The following CTNNA3 variants were observed in gnomAD, a reference collection of about 807,000 sequenced individuals.
The protein encoded by CTNNA3 is catenin alpha-3.
CTNNA3 carries 76 observed loss-of-function variants against 95.7 expected under a neutral mutation model. That is an observed-to-expected ratio of 0.79 (90% CI 0.66 to 0.96). CTNNA3 has a LOEUF of 0.96. Among genes scored for constraint, CTNNA3 ranks in the 40% least tolerant of loss-of-function variants. The probability of loss-of-function intolerance (pLI) is 0.00; values close to 1 mark genes in which losing one functional copy is unlikely to be tolerated. For missense variants in CTNNA3, 1,191 were observed against 1,089.8 expected (o/e 1.09, Z -1.31); for synonymous variants, 431 against 374.4 (o/e 1.15, Z -1.74).
chr10:66,245,474 A>T (rs2090280378), intron 13 of CTNNA3, among the ~76,000 whole-genome samples: 1 of 152,190 alleles, frequency 6.6e-6, no homozygotes, highest in Non-Finnish European at 1.5e-5. Flanking sequence ...GTGGCTCCCA[A>T]GTTCTTGTCC....
At chr10:66,172,926 G>A (rs923121563) in intron 13 of CTNNA3, among the ~76,000 whole-genome samples, 2 of 152,094 alleles carry the variant, frequency 1.3e-5, no homozygotes, top group African/African-American at 2.4e-5. Context: ...GGGTGATGCC[G>A]AGATAGATAC....
chr10:66,127,271 CAAAAAAAAA>C (rs35884096), intron 13 of CTNNA3, among the ~76,000 whole-genome samples: 1 of 74,156 alleles, frequency 1.3e-5, no homozygotes, highest in Non-Finnish European at 2.6e-5. Context: ...GACTCTGTCT[CAAAAAAAAA>C]AAAAAAAAAA....
At chr10:67,209,047 G>A (rs567642666) in intron 6 of CTNNA3, among the ~76,000 whole-genome samples, 2 of 107,940 alleles carry the variant, frequency 1.9e-5, no homozygotes, top group East Asian at 2.6e-4. Flanking sequence ...GTTATTTTTT[G>A]TTGTTGTTGT....
intron 10 of CTNNA3, among the ~76,000 whole-genome samples, chr10:66,540,037 CT>C (rs1163896392): frequency 6.6e-6 from 1 of 152,020 alleles, no homozygotes; most frequent in African/African-American, 2.4e-5. Context: ...AGCTGACCTT[CT>C]TTTGTTTGTT....
intron 11 of CTNNA3, among the ~76,000 whole-genome samples, chr10:66,450,465 C>CA (rs5785758): frequency 0.02 from 3,082 of 152,094 alleles, 42 homozygotes; most frequent in Non-Finnish European, 0.028. Context: ...CACCATACAG[C>CA]AAAACACTAA....
Position 66,541,625 on chromosome 10 carries a change from T to C in CTNNA3, c.1375-20852A>G, listed in dbSNP as rs117508765. On this transcript the variant is annotated intron_variant, in intron 10 of 17. Coordinates refer to ENST00000433211, the MANE Select transcript of CTNNA3 (RefSeq NM_013266.4). Reference sequence around the variant, plus strand: ...TCTCTATAATGCATGTTTCTTTAGATATTGTATGATACTAAAACTTGAAAG... The same window carrying C: ...TCTCTATAATGCATGTTTCTTTAGACATTGTATGATACTAAAACTTGAAAG... Among the ~76,000 whole-genome samples the C allele has an allele frequency of 4.0e-3, 610 of 152,272 alleles. 16 individuals are homozygous for C. The East Asian group carries it at 0.054, about 13-fold the overall frequency.
At chr10:66,645,255 T>C (rs1845665508) in intron 9 of CTNNA3, among the ~76,000 whole-genome samples, 1 of 152,188 alleles carries the variant, frequency 6.6e-6, no homozygotes, top group African/African-American at 2.4e-5. Flanking sequence ...TTCATGATTG[T>C]GGTATCAAGG....
At chr10:66,903,116 C>A (rs557007329) in intron 7 of CTNNA3, among the ~76,000 whole-genome samples, 152 of 152,184 alleles carry the variant, frequency 1.0e-3, no homozygotes, top group Admixed American at 3.3e-3. Context: ...AACACCGATG[C>A]AAAAATCCTC....
rs183311035 is a variant in CTNNA3, at chr10:67,728,368, G to A, written c.-2+35066C>T. ...CTTGTGAGGCTGCGGCAGGAGAATCGCTTGAACCTGGGAGGTGGAGGTTAT... is the reference window on the plus strand; with the variant it reads ...CTTGTGAGGCTGCGGCAGGAGAATCACTTGAACCTGGGAGGTGGAGGTTAT... On this transcript the variant is annotated intron_variant, in intron 1 of 17. Transcript: ENST00000684154. Among the ~76,000 whole-genome samples the A allele has an allele frequency of 4.6e-3, 687 of 148,894 alleles. 6 individuals carry two copies. Among genetic ancestry groups the A allele is most frequent in the African/African-American group, 0.016 (653 of 40,912 alleles).
intron 13 of CTNNA3, among the ~76,000 whole-genome samples, chr10:66,272,905 T>A (rs1422440420): frequency 6.6e-6 from 1 of 152,098 alleles, no homozygotes; most frequent in Non-Finnish European, 1.5e-5. Flanking sequence ...TCCGAACACA[T>A]TTCCATTTCT....
chr10:66,582,680 T>G (rs529612524), intron 10 of CTNNA3, among the ~76,000 whole-genome samples: 2 of 151,920 alleles, frequency 1.3e-5, no homozygotes, highest in African/African-American at 4.8e-5. Context: ...CTATGTTGAA[T>G]AGAAGGGATA....
At chr10:67,193,002 C>A (rs1863187970) in intron 6 of CTNNA3, among the ~76,000 whole-genome samples, 1 of 151,940 alleles carries the variant, frequency 6.6e-6, no homozygotes, top group African/African-American at 2.4e-5. Flanking sequence ...ATAAGCCAAA[C>A]ACAGAAAGAC....
intron 7 of CTNNA3, among the ~76,000 whole-genome samples, chr10:66,898,147 A>G (rs1450990715): frequency 6.6e-6 from 1 of 152,236 alleles, no homozygotes; most frequent in Non-Finnish European, 1.5e-5. Context: ...CACAAAATCT[A>G]TGCAGTCATA....
At chr10:66,317,239 G>A (rs1456306651) in intron 12 of CTNNA3, among the ~76,000 whole-genome samples, 1 of 152,052 alleles carries the variant, frequency 6.6e-6, no homozygotes, top group Non-Finnish European at 1.5e-5. Context: ...TCTTCGTTCA[G>A]TATCTGATGG....
intron 11 of CTNNA3, among the ~76,000 whole-genome samples, chr10:66,457,640 T>A (rs1564982468): frequency 8.1e-6 from 1 of 123,254 alleles, no homozygotes; most frequent in Non-Finnish European, 1.7e-5. Context: ...TTTGACTGGT[T>A]AAAAAAAAAA....
At chr10:67,714,363 T>C (rs1316751181) in intron 1 of CTNNA3, among the ~76,000 whole-genome samples, 2 of 152,242 alleles carry the variant, frequency 1.3e-5, no homozygotes, top group Non-Finnish European at 2.9e-5. Context: ...ATGCAAGACA[T>C]GGAGTCAAAG....
intron 7 of CTNNA3, among the ~76,000 whole-genome samples, chr10:66,945,720 C>A (rs1706169209): frequency 6.6e-6 from 1 of 152,108 alleles, no homozygotes; most frequent in Non-Finnish European, 1.5e-5. Flanking sequence ...TCATTTTTAT[C>A]TTTTGATTTC....
At chr10:66,198,338 C>T (rs569973968) in intron 13 of CTNNA3, among the ~76,000 whole-genome samples, 7 of 152,058 alleles carry the variant, frequency 4.6e-5, no homozygotes, top group African/African-American at 9.7e-5. Flanking sequence ...CTGAAACTAT[C>T]GGAAGGACAA....
intron 7 of CTNNA3, among the ~76,000 whole-genome samples, chr10:67,147,643 C>T (rs186782065): frequency 4.6e-5 from 7 of 152,242 alleles, no homozygotes; most frequent in Non-Finnish European, 7.4e-5. Context: ...CTTCAGTACA[C>T]GTGTAAACTT....
Sources: allele counts gnomAD v4.1 joint callset (sites outside exome capture counted in the v4.1 genomes callset), GRCh38; gene constraint gnomAD v4.1.1; transcripts MANE v1.5; gene names NCBI Gene and HGNC (gene_info 2026-07-23, HGNC 2026-07-21).